CACNG8: variants seen among roughly 807,000 people sequenced by gnomAD.
The protein encoded by CACNG8 is calcium voltage-gated channel auxiliary subunit gamma 8.
CACNG8 carries 5 observed loss-of-function variants against 26.9 expected under a neutral mutation model. That is an observed-to-expected ratio of 0.19 (90% CI 0.10 to 0.39). The LOEUF is 0.39. Among genes scored for constraint, CACNG8 ranks in the 10% least tolerant of loss-of-function variants. The pLI, the probability that CACNG8 is intolerant of heterozygous loss-of-function variation, is 1.00. For missense variants in CACNG8, 473 were observed against 609.4 expected (o/e 0.78, Z 2.36); for synonymous variants, 321 against 296.7 (o/e 1.08, Z -0.84).
intron 1 of CACNG8, among the ~76,000 whole-genome samples, chr19:53,970,573 T>C (rs1483914842): frequency 2.8e-4 from 38 of 137,674 alleles, no homozygotes; most frequent in South Asian, 1.4e-3. Flanking sequence ...TGCTGTGAGC[T>C]GAGATGGCGC....
intron 3 of CACNG8, among the ~76,000 whole-genome samples, chr19:53,980,590 G>A (rs2069360730): frequency 6.6e-6 from 1 of 152,128 alleles, no homozygotes; most frequent in African/African-American, 2.4e-5. Context: ...GCCATTTGGA[G>A]AAGGAGAGGC....
intron 1 of CACNG8, among the ~76,000 whole-genome samples, chr19:53,970,931 C>CA (rs34478690): frequency 0.42 from 40,150 of 96,234 alleles, 7,013 homozygotes; most frequent in Middle Eastern, 0.56. Context: ...GACCCTATCT[C>CA]AAAAAAAAAA....
chr19:53,979,751 G>A, intron 2 of CACNG8, 116 bp from the exon 3 acceptor site: 1 of 1,064,038 alleles, frequency 9.4e-7, no homozygotes, highest in Non-Finnish European at 1.3e-6. Flanking sequence ...GCCGGAGAGA[G>A]AGAATCACAG....
rs1306131821 is a variant in CACNG8, at chr19:53,982,516, G to A, written c.945G>A (p.Lys315=). The A allele has an allele frequency of 7.3e-7, 1 of 1,374,060 alleles. No homozygotes were observed. The highest frequency in any genetic ancestry group is 9.3e-7 in the Non-Finnish European group (1 of 1,069,698). 85.1% of individuals were successfully genotyped at this position (1,374,060 alleles called of 1,614,324 possible). A position where few individuals can be genotyped will look rare whatever the true frequency, so the allele number is the denominator to read the frequency against. Reference sequence around the variant, plus strand: ...ACACGCTCAGCCGCGACCCCTCCAAGGGCAGCGTGGCCGCGGGGCTGGCGG... The same window carrying A: ...ACACGCTCAGCCGCGACCCCTCCAAAGGCAGCGTGGCCGCGGGGCTGGCGG... The change falls in exon 4 of 4, where the codon AAG becomes AAA. Residue 315 remains lysine, a synonymous_variant. Transcript: ENST00000270458. The surrounding 1 kb of genome is among the most constrained non-coding windows in gnomAD (Gnocchi z 8.4).
chr19:53,989,446 G>A lies in CACNG8; in HGVS notation c.*6597G>A, dbSNP rs564272202. Reference sequence around the variant, plus strand: ...AAGCCGGAGAAAGACCCAGAGATTCGCATAGAAAGCAACGTGGAGACTCAG... The same window carrying A: ...AAGCCGGAGAAAGACCCAGAGATTCACATAGAAAGCAACGTGGAGACTCAG... On this transcript the variant is annotated 3_prime_UTR_variant, in exon 4 of 4. Transcript: ENST00000270458. The A allele has an allele frequency of 3.3e-5, 5 of 152,462 alleles. No individual in the cohort carries two copies. Among genetic ancestry groups the A allele is most frequent in the Non-Finnish European group, 5.9e-5 (4 of 68,030 alleles). The allele number at this position is 152,462 out of a possible 1,614,324, so 9.4% of individuals were successfully genotyped here.
At chr19:53,969,528 G>A (rs567761447) in intron 1 of CACNG8, among the ~76,000 whole-genome samples, 45 of 151,820 alleles carry the variant, frequency 3.0e-4, no homozygotes, top group African/African-American at 1.1e-3. Context: ...TCAACGCATT[G>A]GGATTACAGG....
rs568906869 is a variant in CACNG8 at position 53,981,533 on chromosome 19, G to A, written c.509-547G>A. Among the ~76,000 whole-genome samples, 82 of 152,170 alleles carry A rather than the reference G, an allele frequency of 5.4e-4. 1 individual carries two copies. In the East Asian group the frequency reaches 0.015, roughly 28 times the overall value. ...TCTGGGGGTGGGTCCTAGACCACCT[G>A]GGGCAGAGTTTAGACCAGCCAGGGC... On this transcript the variant is annotated intron_variant, in intron 3 of 3. Transcript: ENST00000270458.
intron 1 of CACNG8, among the ~76,000 whole-genome samples, chr19:53,968,905 G>A (rs2069286556): frequency 6.6e-6 from 1 of 152,048 alleles, no homozygotes; most frequent in Non-Finnish European, 1.5e-5. Context: ...TTCAAGGAGA[G>A]GAGGAATGAA....
chr19:53,982,606 CGGCGGCGGA>C lies in CACNG8; in HGVS notation c.1044_1052del (p.Gly350_Gly352del), dbSNP rs1156601332. The C allele has an allele frequency of 1.3e-5, 13 of 969,526 alleles. No homozygotes were observed. In the East Asian group the frequency reaches 5.8e-4, roughly 43 times the overall value. 60.1% of individuals were successfully genotyped at this position (969,526 alleles called of 1,614,324 possible). ...GCGGCGCGGCCGGGGGCGCCGGGGG[CGGCGGCGGA>C]GGCGGCGGCGGGGCGGGTGCCGAGC... On this transcript the variant is annotated inframe_deletion, in exon 4 of 4. Coordinates refer to ENST00000270458, the MANE Select transcript of CACNG8 (RefSeq NM_031895.6). This position sits in a 1 kb window ranked among gnomAD's most constrained non-coding sequence, Gnocchi z 8.4.
intron 1 of CACNG8, among the ~76,000 whole-genome samples, chr19:53,974,585 G>T (rs190020007): frequency 1.1e-4 from 16 of 152,074 alleles, no homozygotes; most frequent in African/African-American, 3.4e-4. Context: ...AGTGCACAAG[G>T]TTCCAATTTC....
In CACNG8 at chr19:53,982,127, G is replaced by A; in HGVS notation, c.556G>A (p.Gly186Ser). The A allele has an allele frequency of 6.2e-7, 1 of 1,609,392 alleles. No individual in the cohort carries two copies. The highest frequency in any genetic ancestry group is 1.1e-5 in the South Asian group (1 of 90,404). The stretch of plus-strand genomic sequence containing the variant: ...GATCGTGTACATCTCCGCCAACGCG[G>A]GCGAGCCGGGCCCGAAGCGGGACGA... The change falls in exon 4 of 4, where the codon GGC becomes AGC. Residue 186 changes from glycine (G) to serine (S), a missense_variant. By Grantham distance (56) the Gly-to-Ser change is moderately conservative (BLOSUM62 0). Coordinates refer to ENST00000270458, the MANE Select transcript of CACNG8 (RefSeq NM_031895.6). This position sits in a 1 kb window ranked among gnomAD's most constrained non-coding sequence, Gnocchi z 8.4.
rs1191480490 is a variant in CACNG8 at position 53,989,841 on chromosome 19, TTCC to T, written c.*6997_*6999del. On this transcript the variant is annotated 3_prime_UTR_variant, in exon 4 of 4. Coordinates refer to ENST00000270458, the MANE Select transcript of CACNG8 (RefSeq NM_031895.6). ...GTAGAGCTGAGGATGCCAAGGTGAATTCCTCCTGTGCCTGGCCCCGGCCCCAGT... is the reference window on the plus strand; with the variant it reads ...GTAGAGCTGAGGATGCCAAGGTGAATTCCTGTGCCTGGCCCCGGCCCCAGT... The T allele has an allele frequency of 9.8e-5, 15 of 152,588 alleles. No individual in the cohort carries two copies. The highest frequency in any genetic ancestry group is 3.6e-4 in the African/African-American group (15 of 41,586). 9.5% of individuals were successfully genotyped at this position (152,588 alleles called of 1,614,324 possible). A position where few individuals can be genotyped will look rare whatever the true frequency, so the allele number is the denominator to read the frequency against.
Position 53,983,463 on chromosome 19 carries a change from T to A in CACNG8, c.*614T>A, listed in dbSNP as rs1032174820. 1 of 152,192 alleles carries A rather than the reference T, an allele frequency of 6.6e-6. No individual in the cohort carries two copies. Among genetic ancestry groups the A allele is most frequent in the African/African-American group, 2.4e-5 (1 of 41,450 alleles). The allele number at this position is 152,192 out of a possible 1,614,324, so 9.4% of individuals were successfully genotyped here. On this transcript the variant is annotated 3_prime_UTR_variant, in exon 4 of 4. Transcript: ENST00000270458. Reference sequence around the variant, plus strand: ...ACGAGGCACAGAAAGGGCCTTCTCATTCATTCATTCATTACCGGCAATTTA... The same window carrying A: ...ACGAGGCACAGAAAGGGCCTTCTCAATCATTCATTCATTACCGGCAATTTA...
rs1237010049 is a variant in CACNG8, at chr19:53,976,627, T to TC, written c.284-1519_284-1518insC. ...TTCTGCTATGCTTATATTCATTCAT[T>TC]AATTCATTCATTCATTCTTCATTCA... is the stretch of plus-strand genomic sequence containing the variant. On this transcript the variant is annotated intron_variant, in intron 1 of 3. Coordinates refer to ENST00000270458, the MANE Select transcript of CACNG8 (RefSeq NM_031895.6). 7.1e-3 allele frequency among the ~76,000 whole-genome samples: 1,079 copies of TC among 152,326 alleles called. 6 individuals are homozygous for TC. The highest frequency in any genetic ancestry group is 0.025 in the African/African-American group (1,022 of 41,564).
intron 1 of CACNG8, among the ~76,000 whole-genome samples, chr19:53,971,593 G>A (rs973246722): frequency 6.6e-6 from 1 of 152,202 alleles, no homozygotes; most frequent in African/African-American, 2.4e-5. Flanking sequence ...GCCACACCCC[G>A]AGGTCTTCTC....
chr19:53,979,777 CCGCGAGATGGGGGG>C lies in CACNG8; in HGVS notation c.368-88_368-75del, dbSNP rs892023857. ...AGAATCACAGAACTGTCGGGAGGCG[CCGCGAGATGGGGGG>C]CCGGGAAGGGGGCGCAGGCGGCCGC... On this transcript the variant is annotated intron_variant, in intron 2 of 3. Coordinates refer to ENST00000270458, the MANE Select transcript of CACNG8 (RefSeq NM_031895.6). The C allele has an allele frequency of 1.1e-5, 16 of 1,398,730 alleles. No individual in the cohort carries two copies. The African/African-American group carries it at 2.3e-4, about 20-fold the overall frequency. 86.6% of individuals were successfully genotyped at this position (1,398,730 alleles called of 1,614,324 possible). A position where few individuals can be genotyped will look rare whatever the true frequency, so the allele number is the denominator to read the frequency against.
rs1355809675 is a variant in CACNG8, at chr19:53,982,766, T to C, written c.1195T>C (p.Ser399Pro). Residue 399 changes from serine (S) to proline (P), a missense_variant, in exon 4 of 4, where the codon TCT (serine) becomes CCT (proline). Ser to Pro is a moderately conservative substitution (Grantham distance 74, BLOSUM62 -1). Around this residue, in one of 6 missense-constraint regions of CACNG8, gnomAD observed 212 missense variants for 214.4 expected, o/e 0.99. Coordinates refer to ENST00000270458, the MANE Select transcript of CACNG8 (RefSeq NM_031895.6). This position sits in a 1 kb window ranked among gnomAD's most constrained non-coding sequence, Gnocchi z 8.4. ...GCCCGCGCCCGCGCCACCCGCGCCCTCTGCGCCCGCCCCCGGGACCCTGGC... is the reference window on the plus strand; with the variant it reads ...GCCCGCGCCCGCGCCACCCGCGCCCCCTGCGCCCGCCCCCGGGACCCTGGC... The C allele has an allele frequency of 3.2e-6, 4 of 1,256,428 alleles. No homozygotes were observed. The highest frequency in any genetic ancestry group is 4.0e-6 in the Non-Finnish European group (4 of 1,000,470). The allele number at this position is 1,256,428 out of a possible 1,614,324, so 77.8% of individuals were successfully genotyped here. A position where few individuals can be genotyped will look rare whatever the true frequency, so the allele number is the denominator to read the frequency against.
At chr19:53,973,507 A>T (rs1438841260) in intron 1 of CACNG8, among the ~76,000 whole-genome samples, 3 of 151,830 alleles carry the variant, frequency 2.0e-5, no homozygotes, top group Non-Finnish European at 4.4e-5. Flanking sequence ...TGGGAAACAG[A>T]GTGAGACTCT....
rs1411053003 is a variant in CACNG8 at position 53,982,815 on chromosome 19, C to G, written c.1244C>G (p.Thr415Ser). The stretch of plus-strand genomic sequence containing the variant: ...GCCAAGGAGGCCGCCGCCTCCAACA[C>G]CAACACGCTCAACAGGAAAACCACG... Residue 415 changes from threonine (T) to serine (S), a missense_variant, in exon 4 of 4, where the codon ACC becomes AGC. Thr to Ser is a moderately conservative substitution (Grantham distance 58). This residue lies in a region of CACNG8 where 212 missense variants were observed against 214.4 expected (regional missense o/e 0.99). Coordinates refer to ENST00000270458, the MANE Select transcript of CACNG8 (RefSeq NM_031895.6). The surrounding 1 kb of genome is among the most constrained non-coding windows in gnomAD (Gnocchi z 8.4). The G allele has an allele frequency of 2.9e-6, 4 of 1,374,994 alleles. No homozygotes were observed. The Admixed American group carries it at 1.1e-4, about 37-fold the overall frequency. The allele number at this position is 1,374,994 out of a possible 1,614,324, so 85.2% of individuals were successfully genotyped here.
Sources: allele counts gnomAD v4.1 joint callset (sites outside exome capture counted in the v4.1 genomes callset), GRCh38; gene constraint gnomAD v4.1.1; regional missense constraint gnomAD v4.1.1; non-coding constraint Gnocchi (gnomAD v3.1); transcripts MANE v1.5; gene names NCBI Gene and HGNC (gene_info 2026-07-23, HGNC 2026-07-21).